Variants in PFKP observed in about 807,000 individuals in gnomAD.
The protein encoded by PFKP is phosphofructokinase, platelet.
In PFKP, 101 loss-of-function variants were observed where a neutral mutation model predicts 94.3. That is an observed-to-expected ratio of 1.07 (90% CI 0.91 to 1.26). The LOEUF is 1.26. Ranked by LOEUF, PFKP falls within the 50% of genes most tolerant of loss-of-function variation. The pLI is 0.00. For synonymous variants in PFKP, 573 were observed against 432.6 expected (o/e 1.32, Z -4.03); for missense variants, 1,145 against 1,103.3 (o/e 1.04, Z -0.53).
intron 16 of PFKP, among the ~76,000 whole-genome samples, chr10:3,127,271 C>T (rs927842535): frequency 3.3e-5 from 5 of 152,350 alleles, no homozygotes; most frequent in South Asian, 4.1e-4. Flanking sequence ...CAGTCGGGGG[C>T]GTGGCTCAGG....
At position 3,134,576 on chromosome 10, in the gene PFKP, G is replaced by C; in HGVS notation, c.2116G>C (p.Gly706Arg). ...CACTGCAAAACTCAAGGAGGCCCGGGGCAGAGGTAAGGGGTCTGGGGAGGG... is the reference window on the plus strand; with the variant it reads ...CACTGCAAAACTCAAGGAGGCCCGGCGCAGAGGTAAGGGGTCTGGGGAGGG... ...WITAKLKEAR[G>R]RGKKFTTDDS... The change falls in exon 20 of 22, where the codon GGC (glycine) becomes CGC (arginine). Residue 706 changes from glycine to arginine, a missense_variant. Coordinates refer to ENST00000381125, the MANE Select transcript of PFKP (RefSeq NM_002627.5). The C allele has an allele frequency of 6.2e-7, 1 of 1,610,948 alleles. No homozygotes were observed. The highest frequency in any genetic ancestry group is 2.2e-5 in the East Asian group (1 of 44,862).
At position 3,109,797 on chromosome 10, in the gene PFKP, C is replaced by G. The variant is rs1428458432; in HGVS notation, c.1089+317C>G. ...GAGGATCCAGGTGGCCCCAGTGCAC[C>G]AGGTGCTGCAGAAGGACAGAGTGCA... is the stretch of plus-strand genomic sequence containing the variant. On this transcript the variant is annotated intron_variant, in intron 10 of 21. Coordinates refer to ENST00000381125, the MANE Select transcript of PFKP (RefSeq NM_002627.5). Among the ~76,000 whole-genome samples, 5 of 152,212 alleles carry G rather than the reference C, an allele frequency of 3.3e-5. No individual in the cohort carries two copies. In the South Asian group the frequency reaches 1.0e-3, roughly 32 times the overall value.
intron 4 of PFKP, among the ~76,000 whole-genome samples, chr10:3,102,203 G>A (rs113179570): frequency 0.053 from 6,680 of 127,208 alleles, 566 homozygotes; most frequent in African/African-American, 0.18. Flanking sequence ...GTGAGCCGAG[G>A]TCCCGCCACT....
intron 2 of PFKP, among the ~76,000 whole-genome samples, chr10:3,083,523 C>T (rs181022305): frequency 2.0e-5 from 3 of 152,088 alleles, no homozygotes; most frequent in East Asian, 1.9e-4. Context: ...TGTAAAACAC[C>T]GGAAAGAAAC....
intron 17 of PFKP, among the ~76,000 whole-genome samples, chr10:3,132,109 C>G (rs1838653075): frequency 6.6e-6 from 1 of 152,140 alleles, no homozygotes; most frequent in Non-Finnish European, 1.5e-5. Context: ...CACGGAATTA[C>G]CATTTTCAGA....
chr10:3,087,208 C>T (rs921377194), intron 2 of PFKP, among the ~76,000 whole-genome samples: 3 of 151,628 alleles, frequency 2.0e-5, no homozygotes, highest in African/African-American at 7.3e-5. Flanking sequence ...ATTCACCTGC[C>T]TTGGCCTCCC....
At chr10:3,087,048 C>CT (rs1198774209) in intron 2 of PFKP, among the ~76,000 whole-genome samples, 1 of 152,004 alleles carries the variant, frequency 6.6e-6, no homozygotes, top group Non-Finnish European at 1.5e-5. Context: ...TCTCAGCTCA[C>CT]TGCAACCTCC....
downstream of PFKP, chr10:3,136,805 G>C (rs969897277): frequency 2.4e-6 from 1 of 414,770 alleles, no homozygotes; most frequent in South Asian, 2.6e-5. Flanking sequence ...GACTCCAACA[G>C]TCCTCTGTTT....
intron 2 of PFKP, among the ~76,000 whole-genome samples, chr10:3,093,834 G>A (rs981892786): frequency 6.6e-5 from 10 of 152,070 alleles, no homozygotes; most frequent in African/African-American, 1.4e-4. Context: ...TAGTAGAGGT[G>A]GGGTTTCACC....
chr10:3,120,036 ATC>A lies in PFKP; in HGVS notation c.1676_1677del (p.Ile559AsnfsTer42). 1.9e-6 allele frequency: 3 copies of A among 1,613,982 alleles called. No individual in the cohort carries two copies. Among genetic ancestry groups the A allele is most frequent in the Non-Finnish European group, 2.5e-6 (3 of 1,179,988 alleles). On this transcript the variant is annotated frameshift_variant, in exon 16 of 22. Coordinates refer to ENST00000381125, the MANE Select transcript of PFKP (RefSeq NM_002627.5). LOFTEE classifies it high-confidence loss of function. ...SIGADTALNT[I>X]TDTCDRIKQS... ...CGGGGCAGACACCGCCCTGAACACTATCACCGACGTAAGTCCGTGTGCGCCCT... is the reference window on the plus strand; with the variant it reads ...CGGGGCAGACACCGCCCTGAACACTAACCGACGTAAGTCCGTGTGCGCCCT...
chr10:3,119,764 G>GGTCGCCGTATCATTAAAAAATTACTCCC, intron 15 of PFKP, 128 bp from the exon 16 acceptor site: 1 of 657,914 alleles, frequency 1.5e-6, no homozygotes, highest in South Asian at 2.0e-5. Context: ...TGATCTCGGA[G>GGTCGCCGTATCATTAAAAAATTACTCCC]TGTTTTCGTG....
At chr10:3,105,205 C>T in intron 6 of PFKP, 46 bp downstream of exon 6, 1 of 1,560,286 alleles carries the variant, frequency 6.4e-7, no homozygotes, top group Non-Finnish European at 8.8e-7. Context: ...AGGTGGGGGA[C>T]CCTCAGCATC....
intron 16 of PFKP, among the ~76,000 whole-genome samples, chr10:3,125,650 C>G (rs867633971): frequency 3.3e-5 from 5 of 152,154 alleles, no homozygotes; most frequent in Admixed American, 6.5e-5. Context: ...CACTGGGGGC[C>G]GCTGCCTGGA....
At chr10:3,120,406 C>T (rs1242376964) in intron 16 of PFKP, among the ~76,000 whole-genome samples, 6 of 148,260 alleles carry the variant, frequency 4.0e-5, no homozygotes, top group Non-Finnish European at 8.9e-5. Flanking sequence ...TGTGCTGAGC[C>T]TAAATTTTCT....
intron 16 of PFKP, among the ~76,000 whole-genome samples, chr10:3,127,041 C>T (rs1245397113): frequency 1.3e-5 from 2 of 152,278 alleles, no homozygotes; most frequent in Non-Finnish European, 2.9e-5. Flanking sequence ...ACACTGCAGG[C>T]AGGCAGGGCC....
At chr10:3,108,098 A>T (rs1204049255) in intron 8 of PFKP, 9 of 1,025,536 alleles carry the variant, frequency 8.8e-6, no homozygotes, top group South Asian at 7.0e-5. Context: ...TCATCCATAA[A>T]GTCCAGGCAA....
chr10:3,108,519 T>C (rs1835854488), intron 8 of PFKP, among the ~76,000 whole-genome samples, 182 bp from the exon 9 acceptor site: 1 of 152,206 alleles, frequency 6.6e-6, no homozygotes, highest in Non-Finnish European at 1.5e-5. Context: ...TTAAAACCAA[T>C]TTTCAGCTGC....
rs569576730 is a variant in PFKP, at chr10:3,127,682, G to C, written c.1684-2137G>C. ...TCAAGAAGGCAGTTGTGGGCTCTTT[G>C]GACCCTTGACGGGGATCTGTCCTCT... On this transcript the variant is annotated intron_variant, in intron 16 of 21. Coordinates refer to ENST00000381125, the MANE Select transcript of PFKP (RefSeq NM_002627.5). Among the ~76,000 whole-genome samples the C allele has an allele frequency of 1.9e-4, 29 of 152,312 alleles. No homozygotes were observed. In the East Asian group the frequency reaches 4.6e-3, roughly 24 times the overall value.
Position 3,119,332 on chromosome 10 carries a change from G to A in PFKP, c.1530+463G>A, listed in dbSNP as rs995057615. Among the ~76,000 whole-genome samples, 7 of 152,304 alleles carry A rather than the reference G, an allele frequency of 4.6e-5. 1 individual carries two copies. The highest frequency in any genetic ancestry group is 2.6e-4 in the Admixed American group (4 of 15,302). Reference sequence around the variant, plus strand: ...TAGAAAAAGTAAAAACTGGCCGGGCGCGGTGGCTCACGCCTGTAATCTCAG... The same window carrying A: ...TAGAAAAAGTAAAAACTGGCCGGGCACGGTGGCTCACGCCTGTAATCTCAG... On this transcript the variant is annotated intron_variant, in intron 15 of 21. Transcript: ENST00000381125.
Sources: gnomAD v4.1 joint callset for allele counts (sites outside exome capture counted in the v4.1 genomes callset) on GRCh38, gnomAD v4.1.1 for gene constraint, MANE v1.5 for transcripts, NCBI Gene and HGNC (gene_info 2026-07-23, HGNC 2026-07-21) for gene names.